RIN2: variants seen among roughly 807,000 people sequenced by gnomAD.
RIN2 encodes RAB5 interacting protein 2.
RIN2 carries 36 observed loss-of-function variants against 78.0 expected under a neutral mutation model. The ratio of observed to expected loss-of-function variants is 0.46; its 90% CI spans 0.35 to 0.61. The LOEUF is 0.61. Among genes scored for constraint, RIN2 ranks in the 20% least tolerant of loss-of-function variants. The pLI, the probability that RIN2 is intolerant of heterozygous loss-of-function variation, is 0.00. For missense variants in RIN2, 1,087 were observed against 1,159.7 expected, an observed-to-expected ratio of 0.94 and a Z score of 0.91; for synonymous variants, 466 against 466.8, an observed-to-expected ratio of 1.00 and a Z score of 0.02.
chr20:19,792,733 TA>T (rs900001947), intron 1 of RIN2, among the ~76,000 whole-genome samples: 4 of 152,232 alleles, frequency 2.6e-5, no homozygotes, highest in African/African-American at 7.2e-5. Context: ...CTCTTCCAGC[TA>T]CAAAATGAGC....
chr20:19,780,325 A>G (rs555806211), intron 1 of RIN2, among the ~76,000 whole-genome samples: 3 of 152,344 alleles, frequency 2.0e-5, no homozygotes, highest in Non-Finnish European at 2.9e-5. Context: ...TCCCGAATTG[A>G]TATGTTTTGA....
intron 1 of RIN2, among the ~76,000 whole-genome samples, chr20:19,772,908 A>G (rs2034182983): frequency 6.6e-6 from 1 of 152,246 alleles, no homozygotes. Context: ...TGACTCTGTA[A>G]TAACCTCAGG....
At chr20:19,760,804 G>A (rs1335031352) in intron 1 of RIN2, among the ~76,000 whole-genome samples, 1 of 152,120 alleles carries the variant, frequency 6.6e-6, no homozygotes, top group Non-Finnish European at 1.5e-5. Context: ...AATCCTAATA[G>A]TTTCAGCAAG....
intron 2 of RIN2, among the ~76,000 whole-genome samples, chr20:19,845,513 G>A (rs538576952): frequency 6.6e-6 from 1 of 151,020 alleles, no homozygotes; most frequent in Non-Finnish European, 1.5e-5. Context: ...TCATATGTTT[G>A]TTGGCCACAT....
chr20:19,873,542 TG>T (rs1286828877), intron 2 of RIN2, among the ~76,000 whole-genome samples: 1 of 152,214 alleles, frequency 6.6e-6, no homozygotes, highest in Non-Finnish European at 1.5e-5. Flanking sequence ...ATAGACTATA[TG>T]TTAATAAAGG....
chr20:19,842,448 G>A (rs976084471), intron 2 of RIN2, among the ~76,000 whole-genome samples: 6 of 116,904 alleles, frequency 5.1e-5, no homozygotes, highest in African/African-American at 1.9e-4. Flanking sequence ...CGCCATGTTG[G>A]CCAGGCTGGT....
At position 19,885,222 on chromosome 20, in the gene RIN2, A is replaced by G. The variant is rs374274193; in HGVS notation, c.-36-4344A>G. 1.5e-3 allele frequency among the ~76,000 whole-genome samples: 222 copies of G among 152,304 alleles called. 1 individual carries two copies. The highest frequency in any genetic ancestry group is 5.1e-3 in the African/African-American group (212 of 41,564). On this transcript the variant is annotated intron_variant, in intron 2 of 12. Coordinates refer to ENST00000255006, the MANE Select transcript of RIN2 (RefSeq NM_018993.4). Reference sequence around the variant, plus strand: ...TGTGACCTAAAGTAAATAAAATAGCATAAAATAGGAAGCTGGGGTGGGGGC... The same window carrying G: ...TGTGACCTAAAGTAAATAAAATAGCGTAAAATAGGAAGCTGGGGTGGGGGC...
intron 1 of RIN2, among the ~76,000 whole-genome samples, chr20:19,794,804 G>A (rs58440038): frequency 0.029 from 4,400 of 151,962 alleles, 198 homozygotes; most frequent in African/African-American, 0.1. Flanking sequence ...TTCTCACAAC[G>A]CCTCGCACCT....
intron 3 of RIN2, among the ~76,000 whole-genome samples, chr20:19,916,822 A>G (rs1194871795): frequency 6.6e-6 from 1 of 152,120 alleles, no homozygotes; most frequent in Non-Finnish European, 1.5e-5. Flanking sequence ...TAGTGTTTGT[A>G]TTGAAATCGT....
chr20:19,808,139 G>T (rs188614526), intron 2 of RIN2, among the ~76,000 whole-genome samples: 16 of 152,360 alleles, frequency 1.1e-4, no homozygotes, highest in Non-Finnish European at 1.9e-4. Context: ...TGATGCTAGT[G>T]TCTTACAGTG....
At chr20:19,923,730 TAACTC>T in intron 3 of RIN2, among the ~76,000 whole-genome samples, 1 of 152,162 alleles carries the variant, frequency 6.6e-6, no homozygotes, top group South Asian at 2.1e-4. Flanking sequence ...TCATTTCACT[TAACTC>T]AGAGGATGGG....
rs532519578 is a variant in RIN2 at position 19,834,335 on chromosome 20, C to T, written c.-37+34588C>T. Among the ~76,000 whole-genome samples the T allele has an allele frequency of 2.5e-3, 383 of 152,294 alleles. 3 individuals carry two copies. The highest frequency in any genetic ancestry group is 8.6e-3 in the African/African-American group (358 of 41,554). ...CCATTTTTGCCAAAGTGGAAGCTGC[C>T]TATGGGTGACAATAGCAGGGAGAAG... On this transcript the variant is annotated intron_variant, in intron 2 of 12. Coordinates refer to ENST00000255006, the MANE Select transcript of RIN2 (RefSeq NM_018993.4).
chr20:19,980,044 C>CAAAAAAAAA (rs56268489), intron 9 of RIN2, among the ~76,000 whole-genome samples: 10 of 72,696 alleles, frequency 1.4e-4, no homozygotes, highest in Non-Finnish European at 1.8e-4. Flanking sequence ...AACTCCATCT[C>CAAAAAAAAA]AAAAAAAAAA....
intron 7 of RIN2, among the ~76,000 whole-genome samples, chr20:19,970,529 C>A (rs79805428): frequency 3.3e-5 from 5 of 152,144 alleles, no homozygotes; most frequent in Non-Finnish European, 5.9e-5. Flanking sequence ...GCTAGATCTA[C>A]CAACAAGTCA....
chr20:19,782,380 C>G (rs1265600293), intron 1 of RIN2, among the ~76,000 whole-genome samples: 2 of 152,044 alleles, frequency 1.3e-5, no homozygotes, highest in Non-Finnish European at 2.9e-5. Flanking sequence ...GCCTGGCCAA[C>G]ATGGTGAAAC....
At chr20:19,810,830 A>G (rs1752047177) in intron 2 of RIN2, among the ~76,000 whole-genome samples, 2 of 148,380 alleles carry the variant, frequency 1.3e-5, no homozygotes, top group Admixed American at 1.3e-4. Context: ...AGTAGCTGGG[A>G]CTACAGGCAC....
intron 1 of RIN2, among the ~76,000 whole-genome samples, chr20:19,760,684 G>A (rs986881113): frequency 1.3e-5 from 2 of 152,206 alleles, no homozygotes; most frequent in South Asian, 2.1e-4. Context: ...GTCCATGCTC[G>A]TGTGACCCAT....
intron 11 of RIN2, among the ~76,000 whole-genome samples, chr20:19,996,033 C>T (rs778272356): frequency 2.0e-5 from 3 of 152,044 alleles, no homozygotes; most frequent in Non-Finnish European, 2.9e-5. Flanking sequence ...TTAATAATTT[C>T]GGCTGGGCAT....
At chr20:19,923,189 G>A (rs149375728) in intron 3 of RIN2, among the ~76,000 whole-genome samples, 5,133 of 152,104 alleles carry the variant, frequency 0.034, 145 homozygotes, top group Middle Eastern at 0.068. Context: ...AGGCTGAGGC[G>A]GGTGGATCAC....
Sources: gnomAD v4.1 joint callset for allele counts (sites outside exome capture counted in the v4.1 genomes callset) on GRCh38, gnomAD v4.1.1 for gene constraint, MANE v1.5 for transcripts, NCBI Gene and HGNC (gene_info 2026-07-23, HGNC 2026-07-21) for gene names.